ARFGEF2: variants seen among roughly 807,000 people sequenced by gnomAD.
ARFGEF2 encodes the protein ARF guanine nucleotide exchange factor 2.
Under a neutral mutation model 219.9 loss-of-function variants are expected in ARFGEF2, and 74 were observed. That is an observed-to-expected ratio of 0.34 (90% CI 0.28 to 0.41). The LOEUF (loss-of-function observed/expected upper bound fraction) is 0.41, where lower values mean the gene tolerates loss of function less well. ARFGEF2 is among the 10% of genes least tolerant of loss of function. The pLI is 1.00. For synonymous variants in ARFGEF2, 733 were observed against 799.2 expected (o/e 0.92, Z 1.40); for missense variants, 1,743 against 2,218.3 (o/e 0.79, Z 4.30).
intron 26 of ARFGEF2, among the ~76,000 whole-genome samples, chr20:49,005,737 CAAAAAAAA>C (rs56730863): frequency 3.2e-5 from 2 of 62,220 alleles, no homozygotes; most frequent in African/African-American, 1.2e-4. Flanking sequence ...GACTCCGTCT[CAAAAAAAA>C]AAAAAAAAAA....
In ARFGEF2 at chr20:48,921,801, C is replaced by T. The variant is rs1346151881; in HGVS notation, c.-89C>T. On this transcript the variant is annotated 5_prime_UTR_variant, in exon 1 of 39. Transcript: ENST00000371917. The stretch of plus-strand genomic sequence containing the variant: ...GCGGCGCGGACGGACGCGGCCGGTG[C>T]CGGCCGGGACGCCGGGCCCGCAGCC... 6.6e-6 allele frequency: 8 copies of T among 1,215,732 alleles called. No individual in the cohort carries two copies. Among genetic ancestry groups the T allele is most frequent in the Non-Finnish European group, 8.2e-6 (8 of 970,992 alleles). 75.3% of individuals were successfully genotyped at this position (1,215,732 alleles called of 1,614,324 possible). A position where few individuals can be genotyped will look rare whatever the true frequency, so the allele number is the denominator to read the frequency against.
chr20:48,924,172 T>C (rs777341509), intron 1 of ARFGEF2, among the ~76,000 whole-genome samples: 13 of 152,230 alleles, frequency 8.5e-5, no homozygotes, highest in Non-Finnish European at 1.6e-4. Context: ...TATTTCTCTC[T>C]GTCTCTCAAG....
intron 26 of ARFGEF2, among the ~76,000 whole-genome samples, chr20:49,007,385 GT>G (rs1398872733): frequency 6.6e-6 from 1 of 150,874 alleles, no homozygotes. Flanking sequence ...TGCCTCTTTG[GT>G]TCAAACAATT....
At chr20:49,023,542 T>G (rs199919680) in intron 35 of ARFGEF2, among the ~76,000 whole-genome samples, 1 of 149,770 alleles carries the variant, frequency 6.7e-6, no homozygotes, top group African/African-American at 2.5e-5. Context: ...TTTTTGTTTT[T>G]TTTTTTGTTT....
rs752769332 is a variant in ARFGEF2 at position 48,969,192 on chromosome 20, G to A, written c.1105G>A (p.Val369Ile). The A allele has an allele frequency of 3.7e-6, 6 of 1,614,068 alleles. No homozygotes were observed. The highest frequency in any genetic ancestry group is 4.5e-5 in the East Asian group (2 of 44,898). The change falls in exon 9 of 39, where the codon GTT becomes ATT. Residue 369 changes from valine to isoleucine, a missense_variant. This residue lies in a region of ARFGEF2 where 666 missense variants were observed against 955.4 expected (regional missense o/e 0.70). Transcript: ENST00000371917. ...GHQVAARFSH[V>I]LQKDAFLVFR... ...TCAAGTGGCTGCCAGGTTCTCCCAC[G>A]TTCTGCAGAAGGATGCCTTCCTTGT... is the stretch of plus-strand genomic sequence containing the variant.
Position 48,982,809 on chromosome 20 carries a change from A to C in ARFGEF2, c.1959-1920A>C, listed in dbSNP as rs571474728. 4.6e-5 allele frequency among the ~76,000 whole-genome samples: 7 copies of C among 152,336 alleles called. No homozygotes were observed. The South Asian group carries it at 1.4e-3, about 32-fold the overall frequency. ...GCGTGGGACCTGCTGAGCCAGGCAC[A>C]GGATATAATCTCCTGGTGTGCCATT... is the stretch of plus-strand genomic sequence containing the variant. On this transcript the variant is annotated intron_variant, in intron 14 of 38. Coordinates refer to ENST00000371917, the MANE Select transcript of ARFGEF2 (RefSeq NM_006420.3).
At chr20:48,984,134 A>T (rs369941485) in intron 14 of ARFGEF2, among the ~76,000 whole-genome samples, 1 of 152,324 alleles carries the variant, frequency 6.6e-6, no homozygotes, top group African/African-American at 2.4e-5. Context: ...AAAAGTGGAC[A>T]GTCTAAGGCT....
intron 6 of ARFGEF2, 124 bp from the exon 7 acceptor site, chr20:48,963,706 G>A (rs2123394148): frequency 1.1e-6 from 1 of 893,124 alleles, no homozygotes; most frequent in Non-Finnish European, 1.8e-6. Context: ...ATTTGGCCTT[G>A]GGGAGAACTT....
At chr20:48,980,118 T>TA (rs1281232984) in intron 14 of ARFGEF2, among the ~76,000 whole-genome samples, 1 of 152,228 alleles carries the variant, frequency 6.6e-6, no homozygotes, top group African/African-American at 2.4e-5. Context: ...TGTGGGCATT[T>TA]AGTGCTATAA....
intron 21 of ARFGEF2, among the ~76,000 whole-genome samples, chr20:48,993,906 TCTTGGCACCTAAGG>T (rs1252577802): frequency 6.6e-6 from 1 of 152,114 alleles, no homozygotes; most frequent in Non-Finnish European, 1.5e-5. Flanking sequence ...GTTAATGCCC[TCTTGGCACCTAAGG>T]CAGGAAACAA....
chr20:48,952,287 C>T (rs772141056), intron 4 of ARFGEF2, among the ~76,000 whole-genome samples: 9 of 150,986 alleles, frequency 6.0e-5, no homozygotes, highest in Non-Finnish European at 1.3e-4. Context: ...TCCCGAGTAG[C>T]TGGGACTACA....
intron 26 of ARFGEF2, among the ~76,000 whole-genome samples, chr20:49,008,329 G>A (rs1052985486): frequency 2.6e-5 from 4 of 152,108 alleles, no homozygotes; most frequent in Non-Finnish European, 5.9e-5. Flanking sequence ...TTGGGAGGTC[G>A]AGGCAGGCGG....
At chr20:49,022,964 A>C in intron 34 of ARFGEF2, 87 bp from the exon 35 acceptor site, 1 of 1,564,258 alleles carries the variant, frequency 6.4e-7, no homozygotes, top group Non-Finnish European at 8.8e-7. Context: ...AAAATAAATC[A>C]TGCCTTGCAC....
chr20:48,968,866 C>A (rs1195568601), intron 8 of ARFGEF2, among the ~76,000 whole-genome samples: 7 of 152,198 alleles, frequency 4.6e-5, no homozygotes, highest in African/African-American at 7.2e-5. Context: ...TTCCCTCCCC[C>A]ACATCCCTCA....
At chr20:49,025,897 G>T (rs911784159) in intron 36 of ARFGEF2, among the ~76,000 whole-genome samples, 1 of 151,582 alleles carries the variant, frequency 6.6e-6, no homozygotes, top group Non-Finnish European at 1.5e-5. Context: ...CAGGAGAATC[G>T]CTTGTACCCG....
At chr20:48,974,962 GAATTGAAAA>G in intron 13 of ARFGEF2, 88 bp downstream of exon 13, 1 of 1,186,826 alleles carries the variant, frequency 8.4e-7, no homozygotes, top group Non-Finnish European at 1.2e-6. Context: ...AGTTGTCTTA[GAATTGAAAA>G]AGCCTTTTTA....
At chr20:48,950,805 AAAAAAAATAT>A (rs2091062692) in intron 3 of ARFGEF2, among the ~76,000 whole-genome samples, 2 of 40,240 alleles carry the variant, frequency 5.0e-5, no homozygotes, top group African/African-American at 2.6e-4. Flanking sequence ...AAAAAAAAAA[AAAAAAAATAT>A]ATATATATAT....
intron 23 of ARFGEF2, among the ~76,000 whole-genome samples, chr20:48,996,636 C>T (rs1170439856): frequency 2.6e-5 from 4 of 151,478 alleles, no homozygotes; most frequent in Admixed American, 6.6e-5. Flanking sequence ...CCCAGCTACT[C>T]GGGAGGCTGA....
chr20:49,010,236 C>T lies in ARFGEF2; in HGVS notation c.3589C>T (p.Pro1197Ser), dbSNP rs774144910. ...FEHIMKKNRS[P>S]TIRDMAIRCI... ...GCCGTCCCATTCTTTCCTCAGGTCTCCCACCATCCGGGACATGGCGATCCG... is the reference window on the plus strand; with the variant it reads ...GCCGTCCCATTCTTTCCTCAGGTCTTCCACCATCCGGGACATGGCGATCCG... Residue 1197 changes from proline (P) to serine (S), a missense_variant, in exon 27 of 39, where the codon CCC becomes TCC. By Grantham distance (74) the Pro-to-Ser change is moderately conservative (BLOSUM62 -1). Around this residue, in one of 5 missense-constraint regions of ARFGEF2, gnomAD observed 102 missense variants for 146.8 expected, o/e 0.69. Transcript: ENST00000371917. The T allele has an allele frequency of 9.3e-6, 15 of 1,613,412 alleles. No individual in the cohort carries two copies. The East Asian group carries it at 3.3e-4, about 36-fold the overall frequency.
Sources: allele counts gnomAD v4.1 joint callset (sites outside exome capture counted in the v4.1 genomes callset), GRCh38; gene constraint gnomAD v4.1.1; regional missense constraint gnomAD v4.1.1; transcripts MANE v1.5; gene names NCBI Gene and HGNC (gene_info 2026-07-23, HGNC 2026-07-21).